CD4: variants seen among roughly 807,000 people sequenced by gnomAD.
CD4 encodes CD4 molecule, also known as T-cell surface glycoprotein CD4.
Under a neutral mutation model 50.5 loss-of-function variants are expected in CD4, and 25 were observed. The observed-to-expected ratio is 0.49, with a 90% CI of 0.36 to 0.69. The LOEUF is 0.69. CD4 is among the 30% of genes least tolerant of loss of function. CD4 has a pLI of 0.00. For synonymous variants in CD4, 207 were observed against 221.9 expected, an observed-to-expected ratio of 0.93 and a Z score of 0.60; for missense variants, 456 against 548.5, an observed-to-expected ratio of 0.83 and a Z score of 1.68.
At position 6,792,606 on chromosome 12, in the gene CD4, G is replaced by C. The variant is rs1351026837; in HGVS notation, c.-68+2944G>C. On this transcript the variant is annotated intron_variant, in intron 1 of 9. Transcript: ENST00000011653. The surrounding 1 kb of genome is among the most constrained non-coding windows in gnomAD (Gnocchi z 4.1). ...TCTGTCCATTTCCCTTTGTCCATGT[G>C]TCCCTCCCACCCTGCAGCCGGCTCC... 7.9e-5 allele frequency among the ~76,000 whole-genome samples: 12 copies of C among 152,040 alleles called. No individual in the cohort carries two copies. The highest frequency in any genetic ancestry group is 7.9e-4 in the Admixed American group (12 of 15,250).
intron 3 of CD4, among the ~76,000 whole-genome samples, chr12:6,806,145 A>G (rs1942748443): frequency 1.4e-5 from 2 of 142,260 alleles, no homozygotes; most frequent in Admixed American, 6.9e-5. Context: ...CCAAAAAAAA[A>G]AAAAGGTACA....
chr12:6,814,706 C>T (rs2137914015), intron 4 of CD4, 53 bp from the exon 5 acceptor site: 3 of 1,299,662 alleles, frequency 2.3e-6, no homozygotes, highest in Middle Eastern at 1.8e-4. Flanking sequence ...TGTTGTCTGC[C>T]CTTCTCCTTG....
At chr12:6,802,268 CTA>C (rs1942587401) in intron 3 of CD4, among the ~76,000 whole-genome samples, 1 of 151,858 alleles carries the variant, frequency 6.6e-6, no homozygotes, top group African/African-American at 2.4e-5. Context: ...ATGCATACTT[CTA>C]TCACTCAGAG....
chr12:6,794,943 G>A (rs1449390181), intron 1 of CD4, among the ~76,000 whole-genome samples: 1 of 151,524 alleles, frequency 6.6e-6, no homozygotes, highest in African/African-American at 2.4e-5. Context: ...CCGTACCACT[G>A]TGCCCGGCTA....
chr12:6,807,744 T>G (rs1942809144), intron 3 of CD4, among the ~76,000 whole-genome samples: 1 of 152,200 alleles, frequency 6.6e-6, no homozygotes, highest in African/African-American at 2.4e-5. Flanking sequence ...TCTGTATTAC[T>G]TCTTACAACT....
rs150742570 is a variant in CD4, at chr12:6,816,124, G to A, written c.676G>A (p.Ala226Thr). The change falls in exon 6 of 10, where the codon GCC (alanine) becomes ACC (threonine). Residue 226 changes from alanine (A) to threonine (T), a missense_variant. Transcript: ENST00000011653. The surrounding 1 kb of genome is among the most constrained non-coding windows in gnomAD (Gnocchi z 4.9). ...ACAGGTGGAGTTCTCCTTCCCACTC[G>A]CCTTTACAGTTGAAAAGCTGACGGG... The part of the protein sequence containing the change: ...GEQVEFSFPL[A>T]FTVEKLTGSG... 4 of 1,614,156 alleles carry A rather than the reference G, an allele frequency of 2.5e-6. No homozygotes were observed. The highest frequency in any genetic ancestry group is 3.4e-6 in the Non-Finnish European group (4 of 1,180,026).
At chr12:6,806,654 A>C (rs1942769876) in intron 3 of CD4, among the ~76,000 whole-genome samples, 2 of 152,234 alleles carry the variant, frequency 1.3e-5, no homozygotes, top group African/African-American at 4.8e-5. Flanking sequence ...ACAGTTGGCA[A>C]ATAAGCACAT....
chr12:6,818,494 T>C lies in CD4; in HGVS notation c.1230T>C (p.Leu410=). ...TGGGGGGCGTCGCCGGCCTCCTGCTTTTCATTGGGCTAGGCATCTTCTTCT... is the reference window on the plus strand; with the variant it reads ...TGGGGGGCGTCGCCGGCCTCCTGCTCTTCATTGGGCTAGGCATCTTCTTCT... ...IVLGGVAGLL[L]FIGLGIFFCV... Residue 410 remains leucine, a synonymous_variant, in exon 8 of 10, where the codon CTT becomes CTC. Coordinates refer to ENST00000011653, the MANE Select transcript of CD4 (RefSeq NM_000616.5). The surrounding 1 kb of genome is among the most constrained non-coding windows in gnomAD (Gnocchi z 5.0). 6.2e-7 allele frequency: 1 copy of C among 1,613,094 alleles called. No individual in the cohort carries two copies. Among genetic ancestry groups the C allele is most frequent in the East Asian group, 2.2e-5 (1 of 44,872 alleles).
At chr12:6,813,945 T>C in intron 3 of CD4, 197 bp from the exon 4 acceptor site, 1 of 516,436 alleles carries the variant, frequency 1.9e-6, no homozygotes, top group South Asian at 3.2e-5. Flanking sequence ...TTTATTTGTA[T>C]TTGTGAGCTA....
chr12:6,810,719 G>A (rs782591192), intron 3 of CD4, among the ~76,000 whole-genome samples: 4 of 152,176 alleles, frequency 2.6e-5, no homozygotes, highest in African/African-American at 9.7e-5. Context: ...AGTAGGCCAC[G>A]CTTTTAAGAA....
chr12:6,817,439 T>C (rs782637634), intron 7 of CD4, 109 bp downstream of exon 7: 1 of 911,048 alleles, frequency 1.1e-6, no homozygotes. Context: ...TGGGGGGTTA[T>C]GGGTATGGTG....
At chr12:6,799,432 T>C (rs1555114819) in intron 1 of CD4, 2 of 152,246 alleles carry the variant, frequency 1.3e-5, no homozygotes, top group African/African-American at 4.8e-5. Context: ...TTTAAGTACA[T>C]GCATGATATG....
At chr12:6,791,727 C>T (rs117255223) in intron 1 of CD4, among the ~76,000 whole-genome samples, 228 of 152,244 alleles carry the variant, frequency 1.5e-3, no homozygotes, top group Non-Finnish European at 2.3e-3. Flanking sequence ...ACAAACCCCA[C>T]AAAAGTTAGC....
chr12:6,814,853 G>A lies in CD4; in HGVS notation c.468G>A (p.Arg156=). ...GTAGTAGCCCCTCAGTGCAATGTAG[G>A]AGTCCAAGGGGTAAAAACATACAGG... ...PPGSSPSVQC[R]SPRGKNIQGG... The change falls in exon 5 of 10, where the codon AGG becomes AGA. Residue 156 remains arginine (R), a synonymous_variant. Coordinates refer to ENST00000011653, the MANE Select transcript of CD4 (RefSeq NM_000616.5). The A allele has an allele frequency of 6.2e-7, 1 of 1,613,586 alleles. No homozygotes were observed. Among genetic ancestry groups the A allele is most frequent in the Non-Finnish European group, 8.5e-7 (1 of 1,179,750 alleles).
chr12:6,816,670 C>G lies in CD4; in HGVS notation c.955+267C>G, dbSNP rs782687920. ...CTTCCTATAACCAACCCTCTGTGAC[C>G]CTGGCTAAGCCCCCTCCCACTGCAG... On this transcript the variant is annotated intron_variant, in intron 6 of 9. Transcript: ENST00000011653. This position sits in a 1 kb window ranked among gnomAD's most constrained non-coding sequence, Gnocchi z 4.9. 6.6e-6 allele frequency among the ~76,000 whole-genome samples: 1 copy of G among 152,302 alleles called. No homozygotes were observed. The highest frequency in any genetic ancestry group is 2.1e-4 in the South Asian group (1 of 4,826).
At position 6,820,426 on chromosome 12, in the gene CD4, G is replaced by A. The variant is rs1591570377; in HGVS notation, c.*1097G>A. 1 of 152,326 alleles carries A rather than the reference G, an allele frequency of 6.6e-6. No homozygotes were observed. 9.4% of individuals were successfully genotyped at this position (152,326 alleles called of 1,614,324 possible). The stretch of plus-strand genomic sequence containing the variant: ...ACCCTGTGCAGAACCTCCTGGAAGC[G>A]AGCTTTGCTGGGAGAGGGGGTAGCT... On this transcript the variant is annotated 3_prime_UTR_variant, in exon 10 of 10. Coordinates refer to ENST00000011653, the MANE Select transcript of CD4 (RefSeq NM_000616.5).
At chr12:6,817,855 A>ACG (rs1943129763) in intron 7 of CD4, among the ~76,000 whole-genome samples, 1 of 143,820 alleles carries the variant, frequency 7.0e-6, no homozygotes, top group African/African-American at 2.9e-5. Context: ...ACACACATGT[A>ACG]CTCACACATG....
At chr12:6,806,202 T>A (rs12227953) in intron 3 of CD4, among the ~76,000 whole-genome samples, 46,379 of 148,206 alleles carry the variant, frequency 0.31, 7,744 homozygotes, top group Non-Finnish European at 0.36. Flanking sequence ...TATATACACA[T>A]ATATATACAC....
intron 3 of CD4, among the ~76,000 whole-genome samples, chr12:6,812,771 T>TGTG (rs1555117197): frequency 0.064 from 3,681 of 57,578 alleles, 117 homozygotes; most frequent in East Asian, 0.23. Context: ...AAGGTTATTT[T>TGTG]TGTGTGTGTG....
Sources: gnomAD v4.1 joint callset for allele counts (sites outside exome capture counted in the v4.1 genomes callset) on GRCh38, gnomAD v4.1.1 for gene constraint, Gnocchi (gnomAD v3.1) non-coding constraint, MANE v1.5 for transcripts, NCBI Gene and HGNC (gene_info 2026-07-23, HGNC 2026-07-21) for gene names.